Variants in AARS1 observed in about 807,000 individuals in gnomAD.
AARS1 encodes alanyl-tRNA synthetase 1.
A neutral mutation model predicts 108.9 loss-of-function variants in AARS1; 72 were observed. The observed-to-expected ratio is 0.66, with a 90% CI of 0.55 to 0.80. AARS1 has a LOEUF of 0.80. Ranked by LOEUF, AARS1 falls within the 30% of genes least tolerant of loss-of-function variation. The probability of loss-of-function intolerance (pLI) is 0.00; values close to 1 mark genes in which losing one functional copy is unlikely to be tolerated. For missense variants in AARS1, 1,193 were observed against 1,233.2 expected (o/e 0.97, Z 0.49); for synonymous variants, 489 against 465.7 (o/e 1.05, Z -0.64).
At chr16:70,261,382 G>A in intron 12 of AARS1, 4 of 391,940 alleles carry the variant, frequency 1.0e-5, no homozygotes, top group Non-Finnish European at 4.8e-6. Context: ...GATCACCTGA[G>A]GCCAGGAGTT....
At chr16:70,255,661 A>T in intron 16 of AARS1, 67 bp downstream of exon 16, 1 of 1,411,050 alleles carries the variant, frequency 7.1e-7, no homozygotes, top group Non-Finnish European at 1.0e-6. Flanking sequence ...TGTTTGCTCT[A>T]TGGATTCGCA....
intron 12 of AARS1, 27 bp from the exon 13 acceptor site, chr16:70,261,184 TAAATAAATCCTTA>T: frequency 6.6e-7 from 1 of 1,524,430 alleles, no homozygotes; most frequent in South Asian, 1.1e-5. Flanking sequence ...AAGAGACCAA[TAAATAAATCCTTA>T]AAAACATACA....
chr16:70,285,219 A>C (rs1405746031), intron 1 of AARS1, among the ~76,000 whole-genome samples: 3 of 149,412 alleles, frequency 2.0e-5, no homozygotes, highest in Non-Finnish European at 4.4e-5. Flanking sequence ...GCTGAGGGAG[A>C]CTCCGTCTAA....
At chr16:70,261,471 G>A (rs900478799) in intron 12 of AARS1, 3 of 320,628 alleles carry the variant, frequency 9.4e-6, no homozygotes, top group African/African-American at 2.2e-5. Context: ...GAAGGCAAGT[G>A]CCTATAATTC....
chr16:70,283,825 TG>T lies in AARS1; in HGVS notation c.-21-1042del, dbSNP rs1271484144. Among the ~76,000 whole-genome samples the T allele has an allele frequency of 2.0e-5, 3 of 150,822 alleles. 1 individual carries two copies. Among genetic ancestry groups the T allele is most frequent in the Non-Finnish European group, 4.4e-5 (3 of 67,638 alleles). The stretch of plus-strand genomic sequence containing the variant: ...TTCCAGCCATTAGATTACCAGGGAG[TG>T]GGGATGCTGTAGCCCCACTTTGGAG... On this transcript the variant is annotated intron_variant, in intron 1 of 20. Transcript: ENST00000261772.
rs575530371 is a variant in AARS1, at chr16:70,281,398, G to A, written c.144+1222C>T. Among the ~76,000 whole-genome samples the A allele has an allele frequency of 7.2e-5, 11 of 152,246 alleles. No homozygotes were observed. The East Asian group carries it at 1.5e-3, about 21-fold the overall frequency. On this transcript the variant is annotated intron_variant, in intron 2 of 20. Transcript: ENST00000261772. The stretch of plus-strand genomic sequence containing the variant: ...AAATAAATTTAGGCCAGGCAAGGTG[G>A]CTCACGTCTATAATCCCAGCACTTT...
At chr16:70,281,750 G>A (rs571624951) in intron 2 of AARS1, among the ~76,000 whole-genome samples, 1 of 152,148 alleles carries the variant, frequency 6.6e-6, no homozygotes, top group Non-Finnish European at 1.5e-5. Context: ...TACTTGGAAG[G>A]CTGACATAAG....
intron 4 of AARS1, among the ~76,000 whole-genome samples, chr16:70,274,272 C>T (rs993937332): frequency 2.0e-5 from 3 of 150,798 alleles, no homozygotes; most frequent in Non-Finnish European, 4.4e-5. Context: ...ATCCGGGAGA[C>T]GGAGGTTGCG....
chr16:70,258,092 C>G lies in AARS1; in HGVS notation c.2118G>C (p.Leu706Phe), dbSNP rs201097032. The G allele has an allele frequency of 3.2e-5, 51 of 1,614,140 alleles. No homozygotes were observed. The highest frequency in any genetic ancestry group is 4.2e-5 in the Non-Finnish European group (49 of 1,180,014). The part of the protein sequence containing the change: ...VVSIGVPVSE[L>F]LDDPSGPAGS... ...CAGCAGGCCCAGAGGGGTCATCCAGCAACTCGGACACCGGGACCCCAATGG... is the reference window on the plus strand; with the variant it reads ...CAGCAGGCCCAGAGGGGTCATCCAGGAACTCGGACACCGGGACCCCAATGG... The change falls in exon 15 of 21, where the codon TTG (leucine) becomes TTC (phenylalanine). Residue 706 changes from leucine to phenylalanine, a missense_variant. Physicochemically the swap from Leu to Phe is conservative, Grantham distance 22 (BLOSUM62 0). Coordinates refer to ENST00000261772, the MANE Select transcript of AARS1 (RefSeq NM_001605.3).
chr16:70,284,364 A>G lies in AARS1; in HGVS notation c.-21-1580T>C, dbSNP rs960517472. Among the ~76,000 whole-genome samples, 4 of 150,246 alleles carry G rather than the reference A, an allele frequency of 2.7e-5. No individual in the cohort carries two copies. In the South Asian group the frequency reaches 6.3e-4, roughly 24 times the overall value. ...ACGCCTGTAATCCCAGCACTTTGAGAGGCCGAGGCAGGCGGATCACGAGGT... is the reference window on the plus strand; with the variant it reads ...ACGCCTGTAATCCCAGCACTTTGAGGGGCCGAGGCAGGCGGATCACGAGGT... On this transcript the variant is annotated intron_variant, in intron 1 of 20. Coordinates refer to ENST00000261772, the MANE Select transcript of AARS1 (RefSeq NM_001605.3).
At chr16:70,268,065 G>A (rs1960307921) in intron 8 of AARS1, among the ~76,000 whole-genome samples, 1 of 152,084 alleles carries the variant, frequency 6.6e-6, no homozygotes, top group African/African-American at 2.4e-5. Context: ...CTATTCGGAA[G>A]GCTGAGACAG....
At position 70,276,884 on chromosome 16, in the gene AARS1, C is replaced by T. The variant is rs758882053; in HGVS notation, c.333+82G>A. The T allele has an allele frequency of 2.1e-4, 306 of 1,491,288 alleles. 1 individual carries two copies. The highest frequency in any genetic ancestry group is 2.8e-4 in the Non-Finnish European group (299 of 1,071,012). The allele number at this position is 1,491,288 out of a possible 1,614,324, so 92.4% of individuals were successfully genotyped here. ...CTAGATGATATTTCATATTTTAAAA[C>T]ATGCAAAATTAGAACCCAGTTCCCA... On this transcript the variant is annotated intron_variant, in intron 3 of 20. Coordinates refer to ENST00000261772, the MANE Select transcript of AARS1 (RefSeq NM_001605.3).
intron 4 of AARS1, among the ~76,000 whole-genome samples, chr16:70,275,750 G>T (rs950473538): frequency 6.8e-6 from 1 of 146,898 alleles, no homozygotes; most frequent in Non-Finnish European, 1.5e-5. Flanking sequence ...GTGACAGAGC[G>T]AGACTCCAAC....
intron 4 of AARS1, 122 bp downstream of exon 4, chr16:70,276,364 G>T: frequency 8.9e-7 from 1 of 1,123,346 alleles, no homozygotes; most frequent in Non-Finnish European, 1.3e-6. Flanking sequence ...TCCTCCCCAT[G>T]TGCATCTCAA....
Position 70,282,727 on chromosome 16 carries a change from G to T in AARS1, c.37C>A (p.Arg13=), listed in dbSNP as rs761931081. The T allele has an allele frequency of 6.2e-7, 1 of 1,614,004 alleles. No individual in the cohort carries two copies. The highest frequency in any genetic ancestry group is 1.3e-5 in the African/African-American group (1 of 74,986). ...STLTASEIRQ[R]FIDFFKRNEH... is the part of the protein sequence containing the mutation. ...TTCCTCTTGAAGAAATCTATAAATC[G>T]CTGCCGGATTTCACTTGCTGTTAGA... Residue 13 remains arginine (R), a synonymous_variant, in exon 2 of 21, where the codon CGA becomes AGA. Transcript: ENST00000261772.
chr16:70,275,872 G>A (rs979133828), intron 4 of AARS1, among the ~76,000 whole-genome samples: 1 of 128,838 alleles, frequency 7.8e-6, no homozygotes, highest in Non-Finnish European at 1.6e-5. Context: ...AGGAAGCAGA[G>A]TTTGCAGTGA....
At chr16:70,256,039 A>G (rs780393851) in intron 15 of AARS1, among the ~76,000 whole-genome samples, 9 of 152,172 alleles carry the variant, frequency 5.9e-5, no homozygotes, top group Non-Finnish European at 1.2e-4. Context: ...CTCCCCACAC[A>G]GTTGCTGTGA....
chr16:70,262,320 C>G, intron 12 of AARS1, 26 bp downstream of exon 12: 1 of 1,614,110 alleles, frequency 6.2e-7, no homozygotes, highest in Non-Finnish European at 8.5e-7. Context: ...CCCTCCTCGG[C>G]TAACAAGGAA....
Position 70,254,027 on chromosome 16 carries a change from A to G in AARS1, c.2412T>C (p.Thr804=), listed in dbSNP as rs761717573. ...EIADLGEALA[T]AVIPQWQKDE... ...CCTTCTGCCACTGGGGGATGACTGCAGTGGCCAGGGCCTGGAACCAATAGA... is the reference window on the plus strand; with the variant it reads ...CCTTCTGCCACTGGGGGATGACTGCGGTGGCCAGGGCCTGGAACCAATAGA... Residue 804 remains threonine (T), a synonymous_variant, in exon 18 of 21, where the codon ACT becomes ACC. Coordinates refer to ENST00000261772, the MANE Select transcript of AARS1 (RefSeq NM_001605.3). The G allele has an allele frequency of 3.1e-6, 5 of 1,614,132 alleles. No homozygotes were observed. The highest frequency in any genetic ancestry group is 3.4e-6 in the Non-Finnish European group (4 of 1,180,042).
Sources: gnomAD v4.1 joint callset for allele counts (sites outside exome capture counted in the v4.1 genomes callset) on GRCh38, gnomAD v4.1.1 for gene constraint, MANE v1.5 for transcripts, NCBI Gene and HGNC (gene_info 2026-07-23, HGNC 2026-07-21) for gene names.